The following SNTG1 variants were observed in gnomAD, a reference collection of about 807,000 sequenced individuals.
SNTG1 encodes syntrophin gamma 1.
Under a neutral mutation model 74.7 loss-of-function variants are expected in SNTG1, and 39 were observed. The ratio of observed to expected loss-of-function variants is 0.52; its 90% CI spans 0.40 to 0.68. SNTG1 has a LOEUF of 0.68. Ranked by LOEUF, SNTG1 falls within the 30% of genes least tolerant of loss-of-function variation. The pLI is 0.00. For missense variants in SNTG1, 685 were observed against 609.5 expected (o/e 1.12, Z -1.30); for synonymous variants, 254 against 217.1 (o/e 1.17, Z -1.49).
intron 2 of SNTG1, among the ~76,000 whole-genome samples, chr8:50,238,058 G>A (rs1235105615): frequency 6.6e-6 from 1 of 152,028 alleles, no homozygotes; most frequent in Non-Finnish European, 1.5e-5. Flanking sequence ...TTATTAAAAT[G>A]GCCCTACTGC....
chr8:50,694,268 T>C (rs1486448676), intron 15 of SNTG1, among the ~76,000 whole-genome samples: 3 of 151,786 alleles, frequency 2.0e-5, no homozygotes, highest in Non-Finnish European at 4.4e-5. Context: ...TTACATCTGA[T>C]ACCACAGAAA....
intron 1 of SNTG1, among the ~76,000 whole-genome samples, chr8:50,155,192 T>C (rs921301309): frequency 1.3e-5 from 2 of 152,216 alleles, no homozygotes; most frequent in Non-Finnish European, 2.9e-5. Flanking sequence ...CTACCTTGAT[T>C]ACAGGCAGTA....
chr8:50,724,423 A>G (rs2095495144), intron 17 of SNTG1, among the ~76,000 whole-genome samples: 2 of 152,196 alleles, frequency 1.3e-5, no homozygotes, highest in African/African-American at 4.8e-5. Context: ...TTTGCTGCCC[A>G]AGATGTGATA....
At chr8:50,338,068 G>A (rs1587202363) in intron 2 of SNTG1, among the ~76,000 whole-genome samples, 3 of 118,218 alleles carry the variant, frequency 2.5e-5, no homozygotes, top group South Asian at 3.8e-4. Context: ...CCTGGGAGGC[G>A]GAGCTTGCAG....
At chr8:50,734,904 T>C (rs890813923) in intron 17 of SNTG1, among the ~76,000 whole-genome samples, 1 of 140,036 alleles carries the variant, frequency 7.1e-6, no homozygotes, top group Non-Finnish European at 1.5e-5. Context: ...TGGACATATA[T>C]ATATCTATAT....
intron 2 of SNTG1, among the ~76,000 whole-genome samples, chr8:50,359,073 A>G (rs2091892193): frequency 6.6e-6 from 1 of 152,214 alleles, no homozygotes; most frequent in Non-Finnish European, 1.5e-5. Flanking sequence ...TCTGCCTTCC[A>G]GAACCAGAAT....
intron 13 of SNTG1, among the ~76,000 whole-genome samples, chr8:50,593,307 T>C (rs2094704383): frequency 6.6e-6 from 1 of 152,104 alleles, no homozygotes; most frequent in South Asian, 2.1e-4. Context: ...CACTCCAGAA[T>C]GCATAAGGCT....
intron 4 of SNTG1, among the ~76,000 whole-genome samples, chr8:50,429,796 G>A (rs1173545569): frequency 2.0e-5 from 3 of 151,880 alleles, no homozygotes; most frequent in African/African-American, 7.3e-5. Context: ...AATTAAACGG[G>A]CAATCAAAAA....
intron 17 of SNTG1, among the ~76,000 whole-genome samples, chr8:50,749,514 A>T (rs1189981217): frequency 6.6e-6 from 1 of 152,048 alleles, no homozygotes; most frequent in Non-Finnish European, 1.5e-5. Flanking sequence ...TTGGAAGAAG[A>T]TGCCATCTGA....
chr8:50,604,285 G>T (rs1399594154), intron 13 of SNTG1, among the ~76,000 whole-genome samples: 1 of 152,050 alleles, frequency 6.6e-6, no homozygotes. Context: ...GGGCATGATG[G>T]CACATGCCTG....
intron 1 of SNTG1, among the ~76,000 whole-genome samples, chr8:50,102,092 T>C (rs1300829842): frequency 6.6e-6 from 1 of 151,802 alleles, no homozygotes; most frequent in Admixed American, 6.6e-5. Flanking sequence ...AATGGCTGGG[T>C]CAAATGGTAT....
At chr8:49,991,857 T>C (rs1166085652) in intron 1 of SNTG1, among the ~76,000 whole-genome samples, 1 of 152,150 alleles carries the variant, frequency 6.6e-6, no homozygotes, top group African/African-American at 2.4e-5. Flanking sequence ...TATGGTGGCA[T>C]GTTCTAAAAT....
intron 2 of SNTG1, among the ~76,000 whole-genome samples, chr8:50,279,490 C>A (rs2088308611): frequency 6.6e-6 from 1 of 152,126 alleles, no homozygotes; most frequent in Non-Finnish European, 1.5e-5. Context: ...CTAAGGCTAT[C>A]TTGTCATTAT....
intron 2 of SNTG1, among the ~76,000 whole-genome samples, chr8:50,217,365 A>T (rs927778331): frequency 2.6e-5 from 4 of 152,048 alleles, no homozygotes; most frequent in Non-Finnish European, 4.4e-5. Flanking sequence ...CCAAAGGGAT[A>T]AAGCACTATA....
intron 1 of SNTG1, among the ~76,000 whole-genome samples, chr8:49,922,749 C>A (rs991591526): frequency 1.3e-5 from 2 of 152,074 alleles, no homozygotes; most frequent in African/African-American, 4.8e-5. Context: ...TAAAAGTATT[C>A]TTTGTGAAAT....
At chr8:50,185,321 T>C (rs2083339715) in intron 2 of SNTG1, among the ~76,000 whole-genome samples, 1 of 152,242 alleles carries the variant, frequency 6.6e-6, no homozygotes, top group South Asian at 2.1e-4. Flanking sequence ...CCTTCTGCCA[T>C]GACTGTAAGT....
intron 1 of SNTG1, among the ~76,000 whole-genome samples, chr8:50,059,658 G>A (rs551659935): frequency 3.3e-5 from 5 of 151,990 alleles, no homozygotes; most frequent in African/African-American, 4.8e-5. Flanking sequence ...CATCCATTTC[G>A]TAGTGTGTAT....
chr8:50,771,049 A>G, intron 18 of SNTG1, among the ~76,000 whole-genome samples: 1 of 152,226 alleles, frequency 6.6e-6, no homozygotes. Context: ...CAAATGGACT[A>G]AGAAAATTGG....
rs190484501 is a variant in SNTG1 at position 50,517,304 on chromosome 8, A to G, written c.467-12873A>G. Among the ~76,000 whole-genome samples the G allele has an allele frequency of 2.8e-3, 424 of 152,308 alleles. 4 individuals carry two copies. Among genetic ancestry groups the G allele is most frequent in the African/African-American group, 9.7e-3 (403 of 41,572 alleles). ...AGAGTTCCTGAAAAAAGTGCTAAAT[A>G]TGGAAAGGAAAAACCGATACCAGCC... On this transcript the variant is annotated intron_variant, in intron 9 of 18. Transcript: ENST00000642720.
Sources: gnomAD v4.1 joint callset for allele counts (sites outside exome capture counted in the v4.1 genomes callset) on GRCh38, gnomAD v4.1.1 for gene constraint, MANE v1.5 for transcripts, NCBI Gene and HGNC (gene_info 2026-07-23, HGNC 2026-07-21) for gene names.